ADAMTSL3: variants seen among roughly 807,000 people sequenced by gnomAD.
The protein encoded by ADAMTSL3 is ADAMTS-like protein 3.
A neutral mutation model predicts 201.7 loss-of-function variants in ADAMTSL3; 128 were observed. That is an observed-to-expected ratio of 0.63 (90% CI 0.55 to 0.73). The LOEUF is 0.73. ADAMTSL3 is among the 30% of genes least tolerant of loss of function. The probability of loss-of-function intolerance (pLI) is 0.00; values close to 1 mark genes in which losing one functional copy is unlikely to be tolerated. For missense variants in ADAMTSL3, 1,990 were observed against 2,119.6 expected, an observed-to-expected ratio of 0.94 and a Z score of 1.20; for synonymous variants, 738 against 748.4, an observed-to-expected ratio of 0.99 and a Z score of 0.23.
chr15:83,854,859 C>A (rs970537831), intron 7 of ADAMTSL3, among the ~76,000 whole-genome samples: 1 of 152,152 alleles, frequency 6.6e-6, no homozygotes, highest in South Asian at 2.1e-4. Flanking sequence ...CAAAATGTAG[C>A]CAGTGGGAGC....
At chr15:83,975,738 T>C (rs187992053) in intron 20 of ADAMTSL3, among the ~76,000 whole-genome samples, 1 of 151,968 alleles carries the variant, frequency 6.6e-6, no homozygotes, top group East Asian at 1.9e-4. Flanking sequence ...TGGATAAAAG[T>C]AGGGGGTGTC....
At chr15:83,905,627 A>G (rs1028867603) in intron 15 of ADAMTSL3, among the ~76,000 whole-genome samples, 5 of 152,232 alleles carry the variant, frequency 3.3e-5, no homozygotes, top group Non-Finnish European at 7.3e-5. Flanking sequence ...CATAATCTCA[A>G]TTACATTTTT....
chr15:83,823,966 TCTTCTTCTC>T (rs1327372998), intron 6 of ADAMTSL3, among the ~76,000 whole-genome samples: 462 of 64,634 alleles, frequency 7.1e-3, no homozygotes, highest in East Asian at 0.025. Context: ...TTCTTCTTCT[TCTTCTTCTC>T]CTCCTCCTCC....
Position 83,754,953 on chromosome 15 carries a change from C to T in ADAMTSL3, c.190-18570C>T, listed in dbSNP as rs146660370. On this transcript the variant is annotated intron_variant, in intron 3 of 29. Transcript: ENST00000286744. ...TTTCCCTACAACTTTCTTCCATTCA[C>T]CTTCCAGATTTATATTGGTTATGTT... 3.3e-5 allele frequency among the ~76,000 whole-genome samples: 5 copies of T among 152,272 alleles called. No individual in the cohort carries two copies. The East Asian group carries it at 9.6e-4, about 29-fold the overall frequency.
chr15:84,032,928 C>T (rs2068435145), intron 28 of ADAMTSL3, among the ~76,000 whole-genome samples: 1 of 152,086 alleles, frequency 6.6e-6, no homozygotes, highest in South Asian at 2.1e-4. Flanking sequence ...AATTTCTATG[C>T]CAGCAATATG....
chr15:83,706,888 C>T (rs968688663), intron 3 of ADAMTSL3, among the ~76,000 whole-genome samples: 1 of 151,832 alleles, frequency 6.6e-6, no homozygotes, highest in Non-Finnish European at 1.5e-5. Flanking sequence ...AGGTTGGCCT[C>T]AAACTCCTGG....
intron 23 of ADAMTSL3, among the ~76,000 whole-genome samples, chr15:84,001,074 A>G (rs2067783956): frequency 6.6e-6 from 1 of 152,262 alleles, no homozygotes; most frequent in Non-Finnish European, 1.5e-5. Flanking sequence ...ACTAAATTGC[A>G]TCAATGGTCA....
At chr15:83,992,774 A>G (rs1196830960) in intron 23 of ADAMTSL3, among the ~76,000 whole-genome samples, 2 of 152,134 alleles carry the variant, frequency 1.3e-5, no homozygotes, top group African/African-American at 2.4e-5. Flanking sequence ...CATTAAACTC[A>G]TCTAGTTTTA....
intron 6 of ADAMTSL3, among the ~76,000 whole-genome samples, chr15:83,833,043 C>A (rs921457086): frequency 2.0e-5 from 3 of 152,152 alleles, no homozygotes; most frequent in Admixed American, 1.3e-4. Context: ...GGGTGCTTAG[C>A]CCAGGTATCA....
chr15:83,838,104 C>G lies in ADAMTSL3; in HGVS notation c.616C>G (p.Arg206Gly), dbSNP rs141992553. The change falls in exon 7 of 30, where the codon CGG becomes GGG. Residue 206 changes from arginine to glycine, a missense_variant. Coordinates refer to ENST00000286744, the MANE Select transcript of ADAMTSL3 (RefSeq NM_207517.3). ...CTGTTGGCAGGCAGTGGGCTGCGAT[C>G]GGCAACTGGGAAGCAATGCCAAGGA... The part of the protein sequence containing the change: ...SGICQAVGCD[R>G]QLGSNAKEDN... The G allele has an allele frequency of 1.9e-6, 3 of 1,609,774 alleles. No individual in the cohort carries two copies. Among genetic ancestry groups the G allele is most frequent in the Non-Finnish European group, 2.5e-6 (3 of 1,178,374 alleles).
Position 83,994,603 on chromosome 15 carries a change from T to G in ADAMTSL3, c.3973+3389T>G, listed in dbSNP as rs201904443. 7.0e-3 allele frequency among the ~76,000 whole-genome samples: 942 copies of G among 133,694 alleles called. 9 individuals carry two copies. The highest frequency in any genetic ancestry group is 0.022 in the African/African-American group (803 of 36,046). 87.7% of individuals were successfully genotyped at this position (133,694 alleles called of 152,430 possible). A position where few individuals can be genotyped will look rare whatever the true frequency, so the allele number is the denominator to read the frequency against. On this transcript the variant is annotated intron_variant, in intron 23 of 29. Coordinates refer to ENST00000286744, the MANE Select transcript of ADAMTSL3 (RefSeq NM_207517.3). The stretch of plus-strand genomic sequence containing the variant: ...GTTTTTTCGTTTTTTTTTTTTTTTT[T>G]TTTTTTTTTTTGACACAGAACCTCA...
At chr15:83,827,811 A>G (rs1435624346) in intron 6 of ADAMTSL3, among the ~76,000 whole-genome samples, 4 of 152,136 alleles carry the variant, frequency 2.6e-5, no homozygotes, top group African/African-American at 9.7e-5. Context: ...CAGGTTTGTC[A>G]AAGATCAGAT....
intron 8 of ADAMTSL3, among the ~76,000 whole-genome samples, chr15:83,864,477 G>A (rs550486156): frequency 5.3e-5 from 8 of 152,128 alleles, no homozygotes; most frequent in African/African-American, 1.7e-4. Flanking sequence ...ATCAATAAAC[G>A]TAATCCAGCA....
At chr15:83,830,740 C>G (rs2064138624) in intron 6 of ADAMTSL3, among the ~76,000 whole-genome samples, 1 of 152,148 alleles carries the variant, frequency 6.6e-6, no homozygotes, top group Non-Finnish European at 1.5e-5. Context: ...AGGGTTGGTT[C>G]TTGGCTGGAG....
At chr15:83,711,878 G>C (rs2061937962) in intron 3 of ADAMTSL3, among the ~76,000 whole-genome samples, 1 of 152,148 alleles carries the variant, frequency 6.6e-6, no homozygotes, top group Admixed American at 6.5e-5. Context: ...ACTCATATTT[G>C]GGGTACTGGG....
At chr15:83,758,297 A>C (rs566222462) in intron 3 of ADAMTSL3, among the ~76,000 whole-genome samples, 1 of 152,348 alleles carries the variant, frequency 6.6e-6, no homozygotes, top group Non-Finnish European at 1.5e-5. Context: ...AGGAAGGAAG[A>C]GCAAAGGGAC....
chr15:83,817,604 G>A (rs1416989311), intron 5 of ADAMTSL3, among the ~76,000 whole-genome samples: 1 of 152,056 alleles, frequency 6.6e-6, no homozygotes, highest in Admixed American at 6.5e-5. Flanking sequence ...ATGACAAAGA[G>A]TTGATAATTT....
intron 3 of ADAMTSL3, among the ~76,000 whole-genome samples, chr15:83,712,610 C>A (rs2061948166): frequency 6.6e-6 from 1 of 152,180 alleles, no homozygotes; most frequent in African/African-American, 2.4e-5. Context: ...AAGGTCATGC[C>A]ATGATCCGGG....
intron 23 of ADAMTSL3, among the ~76,000 whole-genome samples, chr15:84,011,827 T>A (rs190978687): frequency 1.3e-5 from 2 of 152,346 alleles, no homozygotes; most frequent in African/African-American, 4.8e-5. Context: ...ATACATTTTT[T>A]AAAATCTTGT....
Sources: gnomAD v4.1 joint callset for allele counts (sites outside exome capture counted in the v4.1 genomes callset) on GRCh38, gnomAD v4.1.1 for gene constraint, MANE v1.5 for transcripts, NCBI Gene and HGNC (gene_info 2026-07-23, HGNC 2026-07-21) for gene names.